The following SNX19 variants were observed in gnomAD, a reference collection of about 807,000 sequenced individuals.
SNX19 encodes the protein sorting nexin-19.
A neutral mutation model predicts 85.2 loss-of-function variants in SNX19; 60 were observed. The ratio of observed to expected loss-of-function variants is 0.70; its 90% CI spans 0.57 to 0.87. The LOEUF is 0.87. Ranked by LOEUF, SNX19 falls within the 40% of genes least tolerant of loss-of-function variation. SNX19 has a pLI of 0.00. For synonymous variants in SNX19, 520 were observed against 470.0 expected, an observed-to-expected ratio of 1.11 and a Z score of -1.38; for missense variants, 1,201 against 1,217.8, an observed-to-expected ratio of 0.99 and a Z score of 0.21.
chr11:130,914,805 C>G lies in SNX19; in HGVS notation c.1135G>C (p.Glu379Gln), dbSNP rs750672910. Residue 379 changes from glutamate to glutamine, a missense_variant, in exon 1 of 11, where the codon GAA (glutamate) becomes CAA (glutamine). Glu to Gln is a conservative substitution (Grantham distance 29). Around this residue, in one of 3 missense-constraint regions of SNX19, gnomAD observed 791 missense variants for 750.9 expected, o/e 1.05. Coordinates refer to ENST00000265909, the MANE Select transcript of SNX19 (RefSeq NM_014758.3). Reference sequence around the variant, plus strand: ...AGCATGATGGTTTCTTTGCCCAGTTCAGACAGCGGAGACTCCAGCTCTGAG... The same window carrying G: ...AGCATGATGGTTTCTTTGCCCAGTTGAGACAGCGGAGACTCCAGCTCTGAG... ...EDSELESPLS[E>Q]LGKETIMLMT... The G allele has an allele frequency of 3.3e-5, 54 of 1,614,108 alleles. No individual in the cohort carries two copies. Among genetic ancestry groups the G allele is most frequent in the Non-Finnish European group, 4.4e-5 (52 of 1,180,046 alleles).
At chr11:130,905,916 C>T (rs556267064) in intron 7 of SNX19, 37 bp downstream of exon 7, 1 of 1,614,122 alleles carries the variant, frequency 6.2e-7, no homozygotes, top group Non-Finnish European at 8.5e-7. Context: ...GCCACCCTGG[C>T]TCCCTTCTCC....
intron 7 of SNX19, chr11:130,905,620 AG>A: frequency 7.0e-7 from 1 of 1,428,358 alleles, no homozygotes; most frequent in South Asian, 1.5e-5. Flanking sequence ...TGAGACACTA[AG>A]GGAAGAAAGT....
chr11:130,879,323 G>C (rs1943483290), intron 10 of SNX19, among the ~76,000 whole-genome samples: 2 of 152,170 alleles, frequency 1.3e-5, no homozygotes, highest in Admixed American at 1.3e-4. Context: ...AAGCCTGGAG[G>C]ATAAGAGGTC....
chr11:130,900,335 C>T (rs1291316240), intron 8 of SNX19, among the ~76,000 whole-genome samples: 7 of 152,078 alleles, frequency 4.6e-5, no homozygotes, highest in African/African-American at 1.7e-4. Context: ...ACATTTTATC[C>T]TCAATATATG....
intron 8 of SNX19, among the ~76,000 whole-genome samples, chr11:130,896,427 T>C (rs1217641931): frequency 1.3e-5 from 2 of 152,238 alleles, no homozygotes; most frequent in Admixed American, 6.5e-5. Context: ...ATAATTTATA[T>C]GCTACCATCA....
intron 8 of SNX19, chr11:130,893,136 T>A (rs554904183): frequency 6.6e-6 from 1 of 152,178 alleles, no homozygotes; most frequent in Non-Finnish European, 1.5e-5. Context: ...TGTTCTGCTC[T>A]GCACATAGAA....
intron 8 of SNX19, among the ~76,000 whole-genome samples, chr11:130,897,268 C>T (rs1181085816): frequency 8.5e-5 from 13 of 152,084 alleles, no homozygotes; most frequent in Admixed American, 7.9e-4. Context: ...TAACTTTACA[C>T]ACTTCACGCT....
chr11:130,911,433 T>C (rs913481525), intron 2 of SNX19, 200 bp downstream of exon 2: 47 of 1,386,158 alleles, frequency 3.4e-5, no homozygotes, highest in Admixed American at 3.1e-4. Flanking sequence ...AACAAAGCAG[T>C]TGGCAGTAAA....
intron 7 of SNX19, chr11:130,905,682 T>TA: frequency 1.3e-6 from 2 of 1,517,214 alleles, no homozygotes; most frequent in South Asian, 2.4e-5. Context: ...AAAATAAGTT[T>TA]AATGAGTTAT....
Position 130,868,362 on chromosome 11 carries a change from C to A in SNX19, c.*10060G>T, listed in dbSNP as rs1942864258. The A allele has an allele frequency of 6.6e-6, 1 of 152,180 alleles. No homozygotes were observed. Among genetic ancestry groups the A allele is most frequent in the South Asian group, 2.1e-4 (1 of 4,830 alleles). 9.4% of individuals were successfully genotyped at this position (152,180 alleles called of 1,614,324 possible). A position where few individuals can be genotyped will look rare whatever the true frequency, so the allele number is the denominator to read the frequency against. ...AGTCTGTTAGTGGAAAAAAAAGCAA[C>A]ACCCTTCTTGAGCCCGTAATTTATC... On this transcript the variant is annotated 3_prime_UTR_variant, in exon 11 of 11. Coordinates refer to ENST00000265909, the MANE Select transcript of SNX19 (RefSeq NM_014758.3).
At position 130,874,915 on chromosome 11, in the gene SNX19, G is replaced by C. The variant is rs562661050; in HGVS notation, c.*3507C>G. On this transcript the variant is annotated 3_prime_UTR_variant, in exon 11 of 11. Coordinates refer to ENST00000265909, the MANE Select transcript of SNX19 (RefSeq NM_014758.3). Reference sequence around the variant, plus strand: ...ACTGGAACCCTTGTACATTGTTGGTGGGAATGTAAAATGGTCTAGTCACTA... The same window carrying C: ...ACTGGAACCCTTGTACATTGTTGGTCGGAATGTAAAATGGTCTAGTCACTA... Among the ~76,000 whole-genome samples the C allele has an allele frequency of 6.6e-6, 1 of 152,312 alleles. No homozygotes were observed. Among genetic ancestry groups the C allele is most frequent in the Admixed American group, 6.5e-5 (1 of 15,302 alleles).
In SNX19 at chr11:130,880,740, A is replaced by G. The variant is rs372192550; in HGVS notation, c.2640T>C (p.Leu880=). The change falls in exon 9 of 11, where the codon CTT becomes CTC. Residue 880 remains leucine (L), a synonymous_variant. Coordinates refer to ENST00000265909, the MANE Select transcript of SNX19 (RefSeq NM_014758.3). ...CTCCACCAGGCCAGATGGACTCCTG[A>G]AGAAGCAGGAGGTACTGCACCCAGC... ...PQRWVQYLLL[L]QESIWPGGVL... is the part of the protein sequence containing the mutation. The G allele has an allele frequency of 8.4e-5, 135 of 1,611,618 alleles. No homozygotes were observed. The highest frequency in any genetic ancestry group is 4.9e-4 in the Middle Eastern group (3 of 6,070).
chr11:130,882,888 A>C (rs1943780779), intron 8 of SNX19, among the ~76,000 whole-genome samples: 1 of 152,222 alleles, frequency 6.6e-6, no homozygotes, highest in Non-Finnish European at 1.5e-5. Context: ...AAAGTCTTGC[A>C]AACTAAAATC....
In SNX19 at chr11:130,877,376, T is replaced by G. The variant is rs911085441; in HGVS notation, c.*1046A>C. On this transcript the variant is annotated 3_prime_UTR_variant, in exon 11 of 11. Transcript: ENST00000265909. ...GCTGGTGTTGTTAAAGGACTGATTA[T>G]AACCGTAAGGAATGGGAAATAAGAA... The G allele has an allele frequency of 5.9e-5, 9 of 152,226 alleles. No homozygotes were observed. The highest frequency in any genetic ancestry group is 2.2e-4 in the African/African-American group (9 of 41,458). 9.4% of individuals were successfully genotyped at this position (152,226 alleles called of 1,614,324 possible).
At position 130,911,313 on chromosome 11, in the gene SNX19, C is replaced by A. The variant is rs566690004; in HGVS notation, c.1813+320G>T. 142 of 403,784 alleles carry A rather than the reference C, an allele frequency of 3.5e-4. 2 individuals are homozygous for A. The South Asian group carries it at 8.4e-3, about 24-fold the overall frequency. 25.0% of individuals were successfully genotyped at this position (403,784 alleles called of 1,614,324 possible). ...TGTGTAATATTTTAATATTTAAGAA[C>A]CACCAATCTATGAATCTGGAAAAGT... On this transcript the variant is annotated intron_variant, in intron 2 of 10. Coordinates refer to ENST00000265909, the MANE Select transcript of SNX19 (RefSeq NM_014758.3).
rs778841730 is a variant in SNX19 at position 130,880,691 on chromosome 11, C to T, written c.2689G>A (p.Val897Ile). ...GCCAGTTTCTGCTCTTGGGTCCTTA[C>T]GGGCCGTGGAAACTTAGGCAAAACT... ...GGVLPKFPRP[V>I]RTQEQKLAAE... is the part of the protein sequence containing the mutation. The change falls in exon 9 of 11, where the codon GTA becomes ATA. Residue 897 changes from valine to isoleucine, a missense_variant. Physicochemically the swap from Val to Ile is conservative, Grantham distance 29. Transcript: ENST00000265909. 68 of 1,612,530 alleles carry T rather than the reference C, an allele frequency of 4.2e-5. 1 individual carries two copies. In the Middle Eastern group the frequency reaches 5.0e-4, roughly 12 times the overall value.
chr11:130,895,343 G>C (rs1308187872), intron 8 of SNX19, among the ~76,000 whole-genome samples: 1 of 152,190 alleles, frequency 6.6e-6, no homozygotes, highest in Non-Finnish European at 1.5e-5. Flanking sequence ...CACTGTTGAG[G>C]AAACCCTAAG....
chr11:130,879,237 C>T (rs985327941), intron 10 of SNX19, among the ~76,000 whole-genome samples: 1 of 152,194 alleles, frequency 6.6e-6, no homozygotes, highest in African/African-American at 2.4e-5. Flanking sequence ...CTGTGATACA[C>T]AGGCCAGGGT....
chr11:130,881,234 C>T (rs987813559), intron 8 of SNX19: 2 of 153,534 alleles, frequency 1.3e-5, no homozygotes, highest in Non-Finnish European at 2.9e-5. Flanking sequence ...ATTACATGAG[C>T]AATCAGAACA....
Sources: allele counts gnomAD v4.1 joint callset (sites outside exome capture counted in the v4.1 genomes callset), GRCh38; gene constraint gnomAD v4.1.1; regional missense constraint gnomAD v4.1.1; transcripts MANE v1.5; gene names NCBI Gene and HGNC (gene_info 2026-07-23, HGNC 2026-07-21).